PEAK1: variants seen among roughly 807,000 people sequenced by gnomAD.
The protein encoded by PEAK1 is pseudopodium enriched atypical kinase 1, also known as inactive tyrosine-protein kinase PEAK1.
A neutral mutation model predicts 124.7 loss-of-function variants in PEAK1; 54 were observed. That is an observed-to-expected ratio of 0.43 (90% confidence interval 0.35 to 0.54). The LOEUF is 0.54. Among genes scored for constraint, PEAK1 ranks in the 20% least tolerant of loss-of-function variants. PEAK1 has a pLI of 0.01. For missense variants in PEAK1, 2,046 were observed against 2,134.5 expected, an observed-to-expected ratio of 0.96 and a Z score of 0.82; for synonymous variants, 719 against 760.0, an observed-to-expected ratio of 0.95 and a Z score of 0.89.
chr15:77,217,579 C>T lies in PEAK1; in HGVS notation c.-115+34788G>A, dbSNP rs549716739. Among the ~76,000 whole-genome samples the T allele has an allele frequency of 1.8e-4, 27 of 152,208 alleles. No individual in the cohort carries two copies. The South Asian group carries it at 5.4e-3, about 30-fold the overall frequency. ...TTGACAGTTTTCATTAGGCATCTACCTCATAGTTCTGGTTTGGTTCCTTCC... is the reference window on the plus strand; with the variant it reads ...TTGACAGTTTTCATTAGGCATCTACTTCATAGTTCTGGTTTGGTTCCTTCC... On this transcript the variant is annotated intron_variant, in intron 6 of 9. Transcript: ENST00000682557.
At chr15:77,410,861 A>T (rs1279207430) in intron 1 of PEAK1, among the ~76,000 whole-genome samples, 1 of 152,150 alleles carries the variant, frequency 6.6e-6, no homozygotes, top group Non-Finnish European at 1.5e-5. Context: ...AAGTAGATAC[A>T]CCTGTTATTT....
chr15:77,252,236 A>T (rs2060914781), intron 6 of PEAK1, 131 bp downstream of exon 6: 1 of 478,164 alleles, frequency 2.1e-6, no homozygotes, highest in Non-Finnish European at 2.7e-6. Context: ...GTTATGCTAA[A>T]TAAGTTATAA....
intron 1 of PEAK1, among the ~76,000 whole-genome samples, chr15:77,367,935 C>T (rs1486293038): frequency 6.6e-6 from 1 of 152,114 alleles, no homozygotes; most frequent in Non-Finnish European, 1.5e-5. Flanking sequence ...ATCACCATTG[C>T]CAGTGAATGT....
chr15:77,273,883 A>G (rs1286152923), intron 5 of PEAK1, among the ~76,000 whole-genome samples: 5 of 152,192 alleles, frequency 3.3e-5, no homozygotes, highest in Admixed American at 6.5e-5. Flanking sequence ...AAACGATACT[A>G]TAAGGCCATA....
At chr15:77,386,510 C>A (rs762983507) in intron 1 of PEAK1, among the ~76,000 whole-genome samples, 7 of 152,080 alleles carry the variant, frequency 4.6e-5, no homozygotes, top group Non-Finnish European at 8.8e-5. Context: ...AAAAATTTTC[C>A]AAAACCCCAA....
At chr15:77,122,678 T>C (rs1273346023) in intron 9 of PEAK1, among the ~76,000 whole-genome samples, 2 of 152,188 alleles carry the variant, frequency 1.3e-5, no homozygotes, top group South Asian at 2.1e-4. Flanking sequence ...GGTGCTTCTG[T>C]ATGCACTGAG....
At chr15:77,212,768 AAATT>A (rs1319630350) in intron 6 of PEAK1, among the ~76,000 whole-genome samples, 1 of 152,204 alleles carries the variant, frequency 6.6e-6, no homozygotes, top group East Asian at 1.9e-4. Flanking sequence ...AAAAAGTCAT[AAATT>A]AATTCAGATT....
intron 1 of PEAK1, among the ~76,000 whole-genome samples, chr15:77,368,118 T>C (rs555309150): frequency 6.6e-6 from 1 of 152,358 alleles, no homozygotes; most frequent in Admixed American, 6.5e-5. Flanking sequence ...ATATAACATA[T>C]ATTTAGAATG....
At chr15:77,268,271 T>C (rs1447339263) in intron 5 of PEAK1, among the ~76,000 whole-genome samples, 1 of 152,156 alleles carries the variant, frequency 6.6e-6, no homozygotes, top group Admixed American at 6.5e-5. Context: ...TGTCAGGAGT[T>C]TGAGACCAGC....
At chr15:77,141,813 C>T (rs2053810807) in intron 8 of PEAK1, among the ~76,000 whole-genome samples, 1 of 152,096 alleles carries the variant, frequency 6.6e-6, no homozygotes, top group African/African-American at 2.4e-5. Flanking sequence ...TATTGAATCC[C>T]TACCTCACAC....
intron 7 of PEAK1, 23 bp from the exon 8 acceptor site, chr15:77,158,719 T>C (rs368484375): frequency 1.9e-6 from 3 of 1,606,152 alleles, no homozygotes; most frequent in Non-Finnish European, 2.6e-6. Context: ...AGACCACTTG[T>C]CACACTGGTA....
At chr15:77,290,468 G>T (rs1380803590) in intron 2 of PEAK1, among the ~76,000 whole-genome samples, 1 of 152,106 alleles carries the variant, frequency 6.6e-6, no homozygotes, top group Non-Finnish European at 1.5e-5. Context: ...GGCCAGGCTG[G>T]TCTCAAATTC....
rs2060924630 is a variant in PEAK1 at position 77,252,521 on chromosome 15, T to C, written c.-269A>G. The C allele has an allele frequency of 1.0e-6, 1 of 984,300 alleles. No individual in the cohort carries two copies. The highest frequency in any genetic ancestry group is 6.2e-5 in the Admixed American group (1 of 16,252). 61.0% of individuals were successfully genotyped at this position (984,300 alleles called of 1,614,324 possible). A position where few individuals can be genotyped will look rare whatever the true frequency, so the allele number is the denominator to read the frequency against. On this transcript the variant is annotated 5_prime_UTR_variant, in exon 6 of 10. Coordinates refer to ENST00000682557, the MANE Select transcript of PEAK1 (RefSeq NM_001385026.1). The stretch of plus-strand genomic sequence containing the variant: ...ATTCCTTAATTTCTGAAGATAGCAA[T>C]GTTTACTGCAAGAGAAAAAAAATAG...
chr15:77,239,854 C>G, intron 6 of PEAK1: 4 of 985,038 alleles, frequency 4.1e-6, no homozygotes, highest in Non-Finnish European at 4.8e-6. Context: ...CACACAACTG[C>G]TCAATTCCAC....
At position 77,180,224 on chromosome 15, in the gene PEAK1, G is replaced by C; in HGVS notation, c.1703C>G (p.Ser568Ter). The change falls in exon 7 of 10, where the codon TCA becomes TGA. Residue 568 changes from serine (S) to a stop codon, truncating the protein, a stop_gained. Coordinates refer to ENST00000682557, the MANE Select transcript of PEAK1 (RefSeq NM_001385026.1). LOFTEE classifies it high-confidence loss of function. ...NVPPRKNCHK[S>*]APTSPTATNI... ...TGTAGCTGTGGGTGATGTAGGTGCT[G>C]ATTTGTGACAGTTTTTCCTTGGAGG... is the stretch of plus-strand genomic sequence containing the variant. 6.2e-7 allele frequency: 1 copy of C among 1,614,222 alleles called. No individual in the cohort carries two copies. The highest frequency in any genetic ancestry group is 8.5e-7 in the Non-Finnish European group (1 of 1,180,032).
At chr15:77,420,440 GGCCCGCGTGAGGGAAAATTTGGGTTC>G (rs1387595003), upstream of PEAK1, 1 of 155,062 alleles carries the variant, frequency 6.4e-6, no homozygotes, top group African/African-American at 2.4e-5. Context: ...CGAGACCTTG[GGCCCGCGTGAGGGAAAATTTGGGTTC>G]GATTAAGCCG....
In PEAK1 at chr15:77,115,199, TAGG is replaced by T; in HGVS notation, c.4195_4197del (p.Pro1399del). 1 of 1,614,186 alleles carries T rather than the reference TAGG, an allele frequency of 6.2e-7. No individual in the cohort carries two copies. The highest frequency in any genetic ancestry group is 8.5e-7 in the Non-Finnish European group (1 of 1,180,026). On this transcript the variant is annotated inframe_deletion, in exon 10 of 10. Coordinates refer to ENST00000682557, the MANE Select transcript of PEAK1 (RefSeq NM_001385026.1). ...GGATCCTCCCAGGGAAGCAGACGGT[TAGG>T]GACTTCAGCAAGGAAATGACCACAG...
At chr15:77,294,610 C>A (rs554017173) in intron 2 of PEAK1, among the ~76,000 whole-genome samples, 2 of 152,054 alleles carry the variant, frequency 1.3e-5, no homozygotes, top group African/African-American at 2.4e-5. Context: ...GTGTAAAATG[C>A]GATAAACACA....
At chr15:77,241,064 C>T (rs1423961639) in intron 6 of PEAK1, among the ~76,000 whole-genome samples, 6 of 152,070 alleles carry the variant, frequency 3.9e-5, no homozygotes, top group African/African-American at 1.2e-4. Context: ...AAAAACTATA[C>T]ACCAATATCT....
Sources: allele counts gnomAD v4.1 joint callset (sites outside exome capture counted in the v4.1 genomes callset), GRCh38; gene constraint gnomAD v4.1.1; transcripts MANE v1.5; gene names NCBI Gene and HGNC (gene_info 2026-07-23, HGNC 2026-07-21).